Variants in PTGER4 observed in about 807,000 individuals in gnomAD.
PTGER4 encodes the protein prostaglandin E receptor 4.
Under a neutral mutation model 33.2 loss-of-function variants are expected in PTGER4, and 11 were observed. The ratio of observed to expected loss-of-function variants is 0.33; its 90% CI spans 0.21 to 0.55. The LOEUF is 0.55. Among genes scored for constraint, PTGER4 ranks in the 20% least tolerant of loss-of-function variants. The probability of loss-of-function intolerance (pLI) is 0.92; values close to 1 mark genes in which losing one functional copy is unlikely to be tolerated. For synonymous variants in PTGER4, 275 were observed against 281.5 expected, an observed-to-expected ratio of 0.98 and a Z score of 0.23; for missense variants, 481 against 650.2, an observed-to-expected ratio of 0.74 and a Z score of 2.83.
chr5:40,697,339 A>G (rs1266085236), downstream of PTGER4, among the ~76,000 whole-genome samples: 1 of 151,976 alleles, frequency 6.6e-6, no homozygotes, highest in Non-Finnish European at 1.5e-5. Context: ...TAATCCCAGC[A>G]CTTTGGAAGG....
chr5:40,722,831 C>T, the PTGER4 span, among the ~76,000 whole-genome samples: 1 of 151,092 alleles, frequency 6.6e-6, no homozygotes, highest in East Asian at 2.0e-4. Flanking sequence ...GCGCAGCCCC[C>T]ACCCGGCCAG....
At chr5:40,705,510 A>T in the PTGER4 span, among the ~76,000 whole-genome samples, 1 of 152,230 alleles carries the variant, frequency 6.6e-6, no homozygotes, top group Non-Finnish European at 1.5e-5. Context: ...CTGCACAGCA[A>T]AAGAAACTAC....
the PTGER4 span, among the ~76,000 whole-genome samples, chr5:40,718,859 C>T: frequency 6.6e-6 from 1 of 152,020 alleles, no homozygotes; most frequent in Non-Finnish European, 1.5e-5. Context: ...CAAGATGGTA[C>T]CACTGCACTC....
At chr5:40,731,214 T>G in the PTGER4 span, among the ~76,000 whole-genome samples, 1 of 152,170 alleles carries the variant, frequency 6.6e-6, no homozygotes, top group East Asian at 1.9e-4. Flanking sequence ...TAGTAGCAAA[T>G]GTCTTTCCTC....
chr5:40,708,516 G>A, the PTGER4 span, among the ~76,000 whole-genome samples: 1 of 152,130 alleles, frequency 6.6e-6, no homozygotes, highest in Non-Finnish European at 1.5e-5. Context: ...CCAATAACAG[G>A]CTCTGAAATT....
the PTGER4 span, among the ~76,000 whole-genome samples, chr5:40,738,579 TAAA>T: frequency 7.1e-6 from 1 of 139,902 alleles, no homozygotes; most frequent in African/African-American, 2.6e-5. Context: ...TAAAATAAAA[TAAA>T]ATAAAATAAA....
At chr5:40,695,731 T>C (rs1741574139), downstream of PTGER4, among the ~76,000 whole-genome samples, 1 of 152,066 alleles carries the variant, frequency 6.6e-6, no homozygotes, top group African/African-American at 2.4e-5. Flanking sequence ...AAAATGGTAC[T>C]TTGTGCGGTC....
Position 40,680,991 on chromosome 5 carries a change from A to G in PTGER4, c.-3A>G. On this transcript the variant is annotated 5_prime_UTR_variant, in exon 2 of 3. Coordinates refer to ENST00000302472, the MANE Select transcript of PTGER4 (RefSeq NM_000958.3). The surrounding 1 kb of genome is among the most constrained non-coding windows in gnomAD (Gnocchi z 5.5). Reference sequence around the variant, plus strand: ...CCAAGGCTGCGCACCGCCAGCCACTATCATGTCCACTCCCGGGGTCAATTC... The same window carrying G: ...CCAAGGCTGCGCACCGCCAGCCACTGTCATGTCCACTCCCGGGGTCAATTC... 1 of 1,607,086 alleles carries G rather than the reference A, an allele frequency of 6.2e-7. No individual in the cohort carries two copies.
chr5:40,743,589 A>G, the PTGER4 span, among the ~76,000 whole-genome samples: 39 of 152,016 alleles, frequency 2.6e-4, no homozygotes, highest in Non-Finnish European at 5.3e-4. Flanking sequence ...CCTGGCCAAC[A>G]TGGCGAAATC....
At chr5:40,696,150 T>C (rs1741580722), downstream of PTGER4, among the ~76,000 whole-genome samples, 1 of 152,180 alleles carries the variant, frequency 6.6e-6, no homozygotes, top group Non-Finnish European at 1.5e-5. Context: ...AAATCATAGC[T>C]AGTCCTCTCC....
the PTGER4 span, among the ~76,000 whole-genome samples, chr5:40,738,929 T>C: frequency 4.1e-3 from 632 of 152,306 alleles, 3 homozygotes; most frequent in African/African-American, 0.015. Context: ...TAAGAGTTCT[T>C]CTATACTCTG....
chr5:40,722,187 A>G, the PTGER4 span, among the ~76,000 whole-genome samples: 11 of 150,902 alleles, frequency 7.3e-5, no homozygotes, highest in Admixed American at 5.3e-4. Flanking sequence ...CCTGGGTGAC[A>G]GAGGGAGACT....
the PTGER4 span, chr5:40,716,042 A>C: frequency 1.0e-6 from 1 of 954,036 alleles, no homozygotes; most frequent in Non-Finnish European, 1.5e-6. Flanking sequence ...AACATATTTT[A>C]CAACCAGGCG....
At chr5:40,716,394 T>C in the PTGER4 span, 1 of 1,614,060 alleles carries the variant, frequency 6.2e-7, no homozygotes, top group Non-Finnish European at 8.5e-7. Flanking sequence ...TCCTCTGTGC[T>C]ACCTTCTGCT....
Position 40,691,713 on chromosome 5 carries a change from A to G in PTGER4, c.868-66A>G. On this transcript the variant is annotated intron_variant, in intron 2 of 2. Transcript: ENST00000302472. This position sits in a 1 kb window ranked among gnomAD's most constrained non-coding sequence, Gnocchi z 4.2. ...GCTTCCTAATATTGATAAGGTAGAC[A>G]TAGCATTTATATGTTTTCCCAATTG... The G allele has an allele frequency of 6.5e-7, 1 of 1,536,536 alleles. No individual in the cohort carries two copies. The highest frequency in any genetic ancestry group is 8.8e-7 in the Non-Finnish European group (1 of 1,138,610).
chr5:40,742,353 GTATT>G, the PTGER4 span, among the ~76,000 whole-genome samples: 1 of 152,038 alleles, frequency 6.6e-6, no homozygotes, highest in Non-Finnish European at 1.5e-5. Flanking sequence ...TATTTATTGA[GTATT>G]TACTACATGA....
chr5:40,688,762 AT>A (rs962616148), intron 2 of PTGER4, among the ~76,000 whole-genome samples: 1 of 151,764 alleles, frequency 6.6e-6, no homozygotes, highest in Non-Finnish European at 1.5e-5. Flanking sequence ...TTCTGTAAAG[AT>A]TTTTTTTTAA....
chr5:40,711,413 A>G, the PTGER4 span, among the ~76,000 whole-genome samples: 8 of 152,254 alleles, frequency 5.3e-5, no homozygotes, highest in East Asian at 1.5e-3. Context: ...GAGAAACTGA[A>G]ATTAATTTAA....
downstream of PTGER4, among the ~76,000 whole-genome samples, chr5:40,696,966 GAA>G (rs1491577408): frequency 7.5e-5 from 6 of 80,054 alleles, no homozygotes; most frequent in East Asian, 2.7e-3. Context: ...AAGAGAGAAA[GAA>G]AGAGAGAGAG....
Sources: allele counts gnomAD v4.1 joint callset (sites outside exome capture counted in the v4.1 genomes callset), GRCh38; gene constraint gnomAD v4.1.1; non-coding constraint Gnocchi (gnomAD v3.1); transcripts MANE v1.5; gene names NCBI Gene and HGNC (gene_info 2026-07-23, HGNC 2026-07-21).